The following TXK variants were observed in gnomAD, a reference collection of about 807,000 sequenced individuals.
The protein encoded by TXK is tyrosine-protein kinase TXK.
In TXK, 60 loss-of-function variants were observed where a neutral mutation model predicts 81.0. The ratio of observed to expected loss-of-function variants is 0.74; its 90% CI spans 0.60 to 0.92. The LOEUF (loss-of-function observed/expected upper bound fraction) is 0.92, where lower values mean the gene tolerates loss of function less well. Ranked by LOEUF, TXK falls within the 40% of genes least tolerant of loss-of-function variation. The pLI, the probability that TXK is intolerant of heterozygous loss-of-function variation, is 0.00. For missense variants in TXK, 581 were observed against 638.3 expected, an observed-to-expected ratio of 0.91 and a Z score of 0.97; for synonymous variants, 203 against 210.7, an observed-to-expected ratio of 0.96 and a Z score of 0.32.
chr4:48,094,343 A>T, intron 7 of TXK, 139 bp from the exon 8 acceptor site: 1 of 941,880 alleles, frequency 1.1e-6, no homozygotes, highest in Non-Finnish European at 1.6e-6. Flanking sequence ...TAAATTCAAC[A>T]AGTGCCCCCC....
At chr4:48,089,194 T>A (rs1717652108) in intron 9 of TXK, among the ~76,000 whole-genome samples, 1 of 152,068 alleles carries the variant, frequency 6.6e-6, no homozygotes. Flanking sequence ...GGGTGAAGAT[T>A]AAGGCTCCTG....
chr4:48,104,420 A>T (rs1326688522), intron 6 of TXK, among the ~76,000 whole-genome samples: 1 of 498 alleles, frequency 2.0e-3, no homozygotes, highest in Non-Finnish European at 2.7e-3. Context: ...TATTATATAT[A>T]ATATATATAA....
intron 5 of TXK, among the ~76,000 whole-genome samples, chr4:48,105,731 C>T (rs953752954): frequency 1.2e-4 from 18 of 152,138 alleles, no homozygotes; most frequent in Non-Finnish European, 2.9e-5. Context: ...ACAACCAATA[C>T]ATGAACTTGC....
At chr4:48,074,411 G>A (rs1040058245) in intron 12 of TXK, among the ~76,000 whole-genome samples, 5 of 152,236 alleles carry the variant, frequency 3.3e-5, no homozygotes, top group Admixed American at 3.3e-4. Context: ...TCCCAGGGGT[G>A]GGGAAAACAA....
intron 8 of TXK, among the ~76,000 whole-genome samples, chr4:48,093,401 G>C (rs1291580536): frequency 6.6e-6 from 1 of 152,264 alleles, no homozygotes; most frequent in Non-Finnish European, 1.5e-5. Flanking sequence ...GCTGAGATAA[G>C]AAGATTCCCC....
At chr4:48,127,189 C>A (rs1188228290) in intron 1 of TXK, among the ~76,000 whole-genome samples, 1 of 152,106 alleles carries the variant, frequency 6.6e-6, no homozygotes, top group Non-Finnish European at 1.5e-5. Flanking sequence ...ATAATCATTG[C>A]GAGAAGAAAA....
chr4:48,114,510 C>T (rs1226414182), intron 1 of TXK, 108 bp from the exon 2 acceptor site: 12 of 1,171,022 alleles, frequency 1.0e-5, no homozygotes, highest in East Asian at 4.9e-5. Context: ...ATGAAAGTCT[C>T]GATCGTGCCT....
chr4:48,129,598 G>GTA (rs1266822632), intron 1 of TXK, among the ~76,000 whole-genome samples: 1 of 152,164 alleles, frequency 6.6e-6, no homozygotes, highest in African/African-American at 2.4e-5. Context: ...AAAAGGTGCT[G>GTA]TAAGGAAAGG....
chr4:48,096,914 G>A (rs1718003804), intron 6 of TXK, among the ~76,000 whole-genome samples: 1 of 152,086 alleles, frequency 6.6e-6, no homozygotes, highest in African/African-American at 2.4e-5. Context: ...TCACATATTA[G>A]CACCTCTGCT....
intron 10 of TXK, among the ~76,000 whole-genome samples, chr4:48,085,766 C>CT (rs1717502276): frequency 6.6e-6 from 1 of 152,140 alleles, no homozygotes; most frequent in Non-Finnish European, 1.5e-5. Context: ...ACGAGATCGG[C>CT]TGCAGGATGG....
intron 1 of TXK, among the ~76,000 whole-genome samples, chr4:48,128,561 C>CTTTTTTTTTT (rs58431850): frequency 2.3e-5 from 2 of 85,296 alleles, no homozygotes; most frequent in African/African-American, 9.4e-5. Flanking sequence ...CCACTACATC[C>CTTTTTTTTTT]TTTTTTTTTT....
In TXK at chr4:48,134,150, C is replaced by T. The variant is rs751846546; in HGVS notation, c.16+5G>A. 5.0e-6 allele frequency: 8 copies of T among 1,613,282 alleles called. No individual in the cohort carries two copies. The highest frequency in any genetic ancestry group is 5.9e-6 in the Non-Finnish European group (7 of 1,179,678). ...AAAATAAATGACAAAGCCCATCTTA[C>T]TCACAGGAGGAAAGGATCATGGTAG... On this transcript the variant is annotated splice_donor_5th_base_variant and intron_variant, in intron 1 of 14. Coordinates refer to ENST00000264316, the MANE Select transcript of TXK (RefSeq NM_003328.3).
At chr4:48,115,436 T>C (rs547142789) in intron 1 of TXK, among the ~76,000 whole-genome samples, 21 of 152,276 alleles carry the variant, frequency 1.4e-4, no homozygotes, top group African/African-American at 5.1e-4. Context: ...TACTATGGAA[T>C]AAGCTTAAAG....
At chr4:48,084,440 T>C (rs1717430173) in intron 10 of TXK, among the ~76,000 whole-genome samples, 1 of 152,216 alleles carries the variant, frequency 6.6e-6, no homozygotes, top group Non-Finnish European at 1.5e-5. Context: ...TCTCTCATTA[T>C]GACATTAAAC....
At chr4:48,119,144 CA>C (rs1718885608) in intron 1 of TXK, among the ~76,000 whole-genome samples, 1 of 152,112 alleles carries the variant, frequency 6.6e-6, no homozygotes, top group Non-Finnish European at 1.5e-5. Flanking sequence ...AACCAGAACC[CA>C]GAGGGCTTAG....
At chr4:48,087,241 CTG>C (rs3062011) in intron 9 of TXK, among the ~76,000 whole-genome samples, 32,442 of 151,900 alleles carry the variant, frequency 0.21, 3,811 homozygotes, top group South Asian at 0.29. Context: ...AAAAAATAAA[CTG>C]TTTTTAAAAT....
In TXK at chr4:48,067,649, C is replaced by A. The variant is rs967956192; in HGVS notation, c.1572G>T (p.Ala524=). The change falls in exon 15 of 15, where the codon GCG becomes GCT. Residue 524 remains alanine, a synonymous_variant. Coordinates refer to ENST00000264316, the MANE Select transcript of TXK (RefSeq NM_003328.3). Reference sequence around the variant, plus strand: ...ATTCTGTTTCCGGTCACCAGGTTTCCGCAATCTCTGTGACAGCCCGCAGCA... The same window carrying A: ...ATTCTGTTTCCGGTCACCAGGTTTCAGCAATCTCTGTGACAGCCCGCAGCA... ...AELLRAVTEI[A]ETW The A allele has an allele frequency of 1.2e-6, 2 of 1,614,046 alleles. No individual in the cohort carries two copies. The highest frequency in any genetic ancestry group is 8.5e-7 in the Non-Finnish European group (1 of 1,179,998).
intron 10 of TXK, among the ~76,000 whole-genome samples, chr4:48,080,662 T>TCACACACA (rs57819050): frequency 0.12 from 17,074 of 144,180 alleles, 1,109 homozygotes; most frequent in South Asian, 0.15. Context: ...TATTTGGTAA[T>TCACACACA]CACACACACA....
intron 1 of TXK, among the ~76,000 whole-genome samples, chr4:48,120,761 G>A (rs149551516): frequency 2.0e-5 from 3 of 152,014 alleles, no homozygotes; most frequent in African/African-American, 7.2e-5. Flanking sequence ...AAAGTCCTGG[G>A]ATTAAAGGCA....
Sources: allele counts gnomAD v4.1 joint callset (sites outside exome capture counted in the v4.1 genomes callset), GRCh38; gene constraint gnomAD v4.1.1; transcripts MANE v1.5; gene names NCBI Gene and HGNC (gene_info 2026-07-23, HGNC 2026-07-21).